The following USP34 variants were observed in gnomAD, a reference collection of about 807,000 sequenced individuals.
USP34 encodes the protein ubiquitin specific peptidase 34, also known as ubiquitin carboxyl-terminal hydrolase 34.
In USP34, 70 loss-of-function variants were observed where a neutral mutation model predicts 460.3. The ratio of observed to expected loss-of-function variants is 0.15; its 90% CI spans 0.13 to 0.19. The LOEUF (loss-of-function observed/expected upper bound fraction) is 0.19. USP34 is among the 10% of genes least tolerant of loss of function. The probability of loss-of-function intolerance (pLI) is 1.00; values close to 1 mark genes in which losing one functional copy is unlikely to be tolerated. For missense variants in USP34, 3,985 were observed against 4,236.2 expected (o/e 0.94, Z 1.65); for synonymous variants, 1,647 against 1,405.3 (o/e 1.17, Z -3.85).
chr2:61,189,325 T>A, intron 78 of USP34: 1 of 325,282 alleles, frequency 3.1e-6, no homozygotes, highest in Non-Finnish European at 5.5e-6. Flanking sequence ...AAGGCTGGAG[T>A]GCAGTGGTGT....
At chr2:61,297,245 A>G (rs1231641849) in intron 29 of USP34, among the ~76,000 whole-genome samples, 2 of 152,222 alleles carry the variant, frequency 1.3e-5, no homozygotes, top group African/African-American at 2.4e-5. Flanking sequence ...CAATATGACA[A>G]TCATCTATTT....
intron 43 of USP34, 94 bp from the exon 44 acceptor site, chr2:61,259,870 C>G (rs1431052313): frequency 9.1e-7 from 1 of 1,094,378 alleles, no homozygotes; most frequent in Admixed American, 2.2e-5. Context: ...TACACTGTAT[C>G]TGTTTTCATT....
intron 25 of USP34, among the ~76,000 whole-genome samples, chr2:61,313,402 A>C (rs1341689198): frequency 1.3e-5 from 2 of 152,284 alleles, no homozygotes; most frequent in East Asian, 3.9e-4. Context: ...GCAAGGACTA[A>C]GGGTGTGAAT....
At chr2:61,377,843 T>G (rs545957537) in intron 8 of USP34, among the ~76,000 whole-genome samples, 1 of 152,224 alleles carries the variant, frequency 6.6e-6, no homozygotes, top group African/African-American at 2.4e-5. Context: ...TATGCTTTCA[T>G]ACTGTGACAA....
chr2:61,281,232 C>T lies in USP34; in HGVS notation c.5009G>A (p.Arg1670His), dbSNP rs1689526935. ...LTLLIPETAV[R>H]HESCSGLYKL... ...ATAGAGACCACTGCATGATTCATGACGAACTGCAGTCTAGATGAAAAAGAA... is the reference window on the plus strand; with the variant it reads ...ATAGAGACCACTGCATGATTCATGATGAACTGCAGTCTAGATGAAAAAGAA... The change falls in exon 38 of 80, where the codon CGT (arginine) becomes CAT (histidine). Residue 1670 changes from arginine to histidine, a missense_variant. Coordinates refer to ENST00000398571, the MANE Select transcript of USP34 (RefSeq NM_014709.4). 1.9e-6 allele frequency: 3 copies of T among 1,612,222 alleles called. No individual in the cohort carries two copies. Among genetic ancestry groups the T allele is most frequent in the Admixed American group, 1.7e-5 (1 of 59,542 alleles).
chr2:61,304,384 G>A (rs1235792193), intron 27 of USP34, among the ~76,000 whole-genome samples: 1 of 152,168 alleles, frequency 6.6e-6, no homozygotes, highest in Admixed American at 6.5e-5. Context: ...TATTTGATAT[G>A]AGATAGGCCA....
At chr2:61,365,309 A>ATG (rs34664941) in intron 10 of USP34, among the ~76,000 whole-genome samples, 5,309 of 147,862 alleles carry the variant, frequency 0.036, 217 homozygotes, top group African/African-American at 0.1. Flanking sequence ...TTATTTATAA[A>ATG]TGTGTGTGTG....
In USP34 at chr2:61,470,825, CGGCGGGGACGG is replaced by C; in HGVS notation, c.-144_-134del. Reference sequence around the variant, plus strand: ...GCGGGGAGGCGACTAGGGCGGGCGGCGGCGGGGACGGGGCGGGGAGCAAGAGAATGGGGGAG... The same window carrying C: ...GCGGGGAGGCGACTAGGGCGGGCGGCGGCGGGGAGCAAGAGAATGGGGGAG... On this transcript the variant is annotated 5_prime_UTR_variant, in exon 1 of 80. Transcript: ENST00000398571. The C allele has an allele frequency of 5.0e-6, 1 of 199,656 alleles. No individual in the cohort carries two copies. 12.4% of individuals were successfully genotyped at this position (199,656 alleles called of 1,614,324 possible). A position where few individuals can be genotyped will look rare whatever the true frequency, so the allele number is the denominator to read the frequency against.
intron 3 of USP34, among the ~76,000 whole-genome samples, chr2:61,397,241 T>TAGACC (rs1229445052): frequency 3.4e-5 from 5 of 148,954 alleles, no homozygotes; most frequent in Admixed American, 2.7e-4. Context: ...TCAAGAGTTC[T>TAGACC]AGACCAGTCT....
rs568920801 is a variant in USP34, at chr2:61,433,828, CTG to C, written c.44-12997_44-12996del. ...CACCATCTTGAAACCAGAGCCACCT[CTG>C]GAGTGCACCCTCTGGGGGCCAGTAG... On this transcript the variant is annotated intron_variant, in intron 1 of 79. Coordinates refer to ENST00000398571, the MANE Select transcript of USP34 (RefSeq NM_014709.4). Among the ~76,000 whole-genome samples the C allele has an allele frequency of 1.8e-4, 28 of 152,270 alleles. No homozygotes were observed. In the South Asian group the frequency reaches 5.8e-3, roughly 32 times the overall value.
rs887218923 is a variant in USP34 at position 61,278,154 on chromosome 2, T to G, written c.5433+11A>C. 6.2e-6 allele frequency: 10 copies of G among 1,610,906 alleles called. No individual in the cohort carries two copies. The highest frequency in any genetic ancestry group is 6.8e-6 in the Non-Finnish European group (8 of 1,178,416). The stretch of plus-strand genomic sequence containing the variant: ...CATTTCATAGAAACATTTGATTATC[T>G]TAACACTTACCTGTCCTTCCCTTGA... On this transcript the variant is annotated intron_variant, in intron 41 of 79. Transcript: ENST00000398571.
chr2:61,432,016 ATAAGAAT>A (rs776977835), intron 1 of USP34, among the ~76,000 whole-genome samples: 2,026 of 152,272 alleles, frequency 0.013, 20 homozygotes, highest in Non-Finnish European at 0.021. Flanking sequence ...ATAAATATGT[ATAAGAAT>A]TACGTATGAA....
chr2:61,275,617 CTTT>C (rs34255356), intron 41 of USP34, among the ~76,000 whole-genome samples: 1 of 146,948 alleles, frequency 6.8e-6, no homozygotes, highest in Non-Finnish European at 1.5e-5. Context: ...GACCCTGTCC[CTTT>C]TTTTTTTTTA....
At chr2:61,333,129 T>C (rs2177961) in intron 19 of USP34, among the ~76,000 whole-genome samples, 58,309 of 151,854 alleles carry the variant, frequency 0.38, 11,212 homozygotes, top group African/African-American at 0.4. Flanking sequence ...TAATGTATTG[T>C]TTGTGGTAGA....
chr2:61,402,049 G>A (rs553425831), intron 3 of USP34, among the ~76,000 whole-genome samples: 3 of 151,522 alleles, frequency 2.0e-5, no homozygotes, highest in African/African-American at 4.8e-5. Flanking sequence ...CCATGAGTTC[G>A]AGACCAGGCT....
At chr2:61,257,461 T>A (rs1688750075) in intron 44 of USP34, 111 bp from the exon 45 acceptor site, 2 of 790,490 alleles carry the variant, frequency 2.5e-6, no homozygotes, top group Non-Finnish European at 3.6e-6. Context: ...TCTACTAAGT[T>A]AGTTTTAAAT....
intron 21 of USP34, among the ~76,000 whole-genome samples, chr2:61,324,725 C>T (rs901145155): frequency 2.0e-5 from 3 of 151,864 alleles, no homozygotes; most frequent in Admixed American, 1.3e-4. Context: ...GAGCTGTGAT[C>T]GCATCACTGA....
At chr2:61,243,263 C>A (rs1304138372) in intron 51 of USP34, among the ~76,000 whole-genome samples, 1 of 152,118 alleles carries the variant, frequency 6.6e-6, no homozygotes, top group Admixed American at 6.5e-5. Context: ...TCTCCTGTCT[C>A]AGCCTCCTGA....
chr2:61,468,569 A>G (rs1431952027), intron 1 of USP34, among the ~76,000 whole-genome samples: 1 of 152,240 alleles, frequency 6.6e-6, no homozygotes, highest in Non-Finnish European at 1.5e-5. Context: ...CAATATTAAG[A>G]AACTAAGTAT....
Sources: gnomAD v4.1 joint callset for allele counts (sites outside exome capture counted in the v4.1 genomes callset) on GRCh38, gnomAD v4.1.1 for gene constraint, MANE v1.5 for transcripts, NCBI Gene and HGNC (gene_info 2026-07-23, HGNC 2026-07-21) for gene names.